ARHGAP8: variants seen among roughly 807,000 people sequenced by gnomAD.
The protein encoded by ARHGAP8 is rho GTPase-activating protein 8.
ARHGAP8 carries 62 observed loss-of-function variants against 46.1 expected under a neutral mutation model. The ratio of observed to expected loss-of-function variants is 1.34; its 90% confidence interval spans 1.10 to 1.66. The LOEUF is 1.66. Among genes scored for constraint, ARHGAP8 ranks in the 40% most tolerant of loss-of-function variants. The pLI, the probability that ARHGAP8 is intolerant of heterozygous loss-of-function variation, is 0.00. For missense variants in ARHGAP8, 923 were observed against 568.4 expected, an observed-to-expected ratio of 1.62 and a Z score of -6.34; for synonymous variants, 375 against 243.1, an observed-to-expected ratio of 1.54 and a Z score of -5.05.
At chr22:44,855,830 T>C (rs2070207062) in intron 10 of ARHGAP8, among the ~76,000 whole-genome samples, 1 of 152,176 alleles carries the variant, frequency 6.6e-6, no homozygotes, top group Admixed American at 6.5e-5. Flanking sequence ...TCTGTGTTGC[T>C]ATGAAGAAAT....
chr22:44,764,440 G>C (rs941785976), intron 1 of ARHGAP8, among the ~76,000 whole-genome samples: 3 of 152,236 alleles, frequency 2.0e-5, no homozygotes, highest in African/African-American at 7.2e-5. Flanking sequence ...AGGCAGGAAA[G>C]GGTCGGCTGC....
chr22:44,776,597 A>T (rs1046669387), intron 1 of ARHGAP8, among the ~76,000 whole-genome samples: 2 of 152,068 alleles, frequency 1.3e-5, no homozygotes, highest in Non-Finnish European at 2.9e-5. Context: ...TCTTCTTAAT[A>T]GGCTCCTGGA....
chr22:44,834,813 C>T (rs935780771), intron 7 of ARHGAP8, among the ~76,000 whole-genome samples: 1 of 147,472 alleles, frequency 6.8e-6, no homozygotes, highest in African/African-American at 2.5e-5. Context: ...TTTTATGATT[C>T]TTACTTTCTT....
intron 7 of ARHGAP8, among the ~76,000 whole-genome samples, chr22:44,827,336 G>GTTTTTTTTT (rs796490147): frequency 0.016 from 1,055 of 67,250 alleles, 294 homozygotes; most frequent in African/African-American, 0.054. Flanking sequence ...TTGGGTGGTG[G>GTTTTTTTTT]TTTTTTTTTT....
chr22:44,756,243 A>G (rs1265174057), intron 1 of ARHGAP8, among the ~76,000 whole-genome samples: 2 of 151,986 alleles, frequency 1.3e-5, no homozygotes, highest in African/African-American at 4.8e-5. Flanking sequence ...CTGGCCGTAA[A>G]ATGAAAACAA....
rs201042184 is a variant in ARHGAP8 at position 44,859,807 on chromosome 22, C to T, written c.954C>T (p.Leu318=). The change falls in exon 11 of 12, where the codon CTC becomes CTT. Residue 318 remains leucine, a synonymous_variant. Coordinates refer to ENST00000356099, the MANE Select transcript of ARHGAP8 (RefSeq NM_181335.3). ...TCCCAGAGCACAACTACGTCGTCCT[C>T]CGCTACCTCATGGGCTTCCTGCATG... ...RSLPEHNYVV[L]RYLMGFLHAV... 1.5e-5 allele frequency: 24 copies of T among 1,614,060 alleles called. 1 individual carries two copies. The highest frequency in any genetic ancestry group is 1.7e-4 in the Middle Eastern group (1 of 6,060).
intron 1 of ARHGAP8, chr22:44,786,188 G>A (rs1425715622): frequency 3.5e-6 from 2 of 565,792 alleles, no homozygotes; most frequent in Non-Finnish European, 3.1e-6. Context: ...GCTCGGCTGA[G>A]GTAGGGCGTA....
intron 1 of ARHGAP8, among the ~76,000 whole-genome samples, chr22:44,755,617 C>T (rs1569128885): frequency 6.6e-6 from 1 of 152,184 alleles, no homozygotes; most frequent in African/African-American, 2.4e-5. Context: ...CACAGGGCGT[C>T]TCCCTGGAGC....
chr22:44,784,996 A>G (rs1338142672), intron 1 of ARHGAP8, among the ~76,000 whole-genome samples: 1 of 152,146 alleles, frequency 6.6e-6, no homozygotes, highest in African/African-American at 2.4e-5. Flanking sequence ...AGTGGTGCTG[A>G]GTAAATACCA....
intron 1 of ARHGAP8, among the ~76,000 whole-genome samples, chr22:44,756,088 TGAAGGCCAAGGCCAAACAG>T (rs55636319): frequency 0.5 from 75,746 of 151,990 alleles, 19,355 homozygotes; most frequent in Non-Finnish European, 0.54. Context: ...CCTTCCACGC[TGAAGGCCAAGGCCAAACAG>T]TTCTTTCTTC....
At chr22:44,829,118 CAAA>C (rs57906111) in intron 7 of ARHGAP8, among the ~76,000 whole-genome samples, 21 of 49,376 alleles carry the variant, frequency 4.3e-4, no homozygotes, top group South Asian at 2.5e-3. Context: ...ACTAAAAATA[CAAA>C]AAAAAAAAAA....
rs1005470030 is a variant in ARHGAP8, at chr22:44,862,424, T to C, written c.1131T>C (p.Tyr377=). The C allele has an allele frequency of 4.3e-6, 7 of 1,614,078 alleles. No individual in the cohort carries two copies. The highest frequency in any genetic ancestry group is 1.3e-5 in the African/African-American group (1 of 75,016). The change falls in exon 12 of 12, where the codon TAT becomes TAC. Residue 377 remains tyrosine (Y), a synonymous_variant. Transcript: ENST00000356099. ...TCACTGAACTGCTGATCGAGTACTA[T>C]GAAAAGATCTTCAGCACCCCGGAGG... The part of the protein sequence containing the change: ...NMFTELLIEY[Y]EKIFSTPEAP...
chr22:44,757,562 C>T (rs1924781730), intron 1 of ARHGAP8, among the ~76,000 whole-genome samples: 1 of 152,204 alleles, frequency 6.6e-6, no homozygotes, highest in South Asian at 2.1e-4. Flanking sequence ...CAGGCGTGAG[C>T]CACCATGCCT....
chr22:44,831,447 G>A (rs1196913016), intron 7 of ARHGAP8, among the ~76,000 whole-genome samples: 1 of 152,172 alleles, frequency 6.6e-6, no homozygotes, highest in Non-Finnish European at 1.5e-5. Flanking sequence ...TATAATCCCA[G>A]CACTTTGGGA....
intron 7 of ARHGAP8, among the ~76,000 whole-genome samples, chr22:44,832,109 A>G (rs1930986549): frequency 7.3e-6 from 1 of 137,144 alleles, no homozygotes; most frequent in Non-Finnish European, 1.6e-5. Context: ...CTTTCCATTT[A>G]TTTGGGTCTT....
intron 2 of ARHGAP8, among the ~76,000 whole-genome samples, chr22:44,794,348 G>A (rs183218250): frequency 1.3e-3 from 194 of 152,302 alleles, no homozygotes; most frequent in Admixed American, 2.2e-3. Flanking sequence ...CCAGGGATTG[G>A]GCAGAGGAAG....
At chr22:44,861,541 C>T (rs770594680) in intron 11 of ARHGAP8, among the ~76,000 whole-genome samples, 12 of 152,166 alleles carry the variant, frequency 7.9e-5, no homozygotes, top group Non-Finnish European at 1.5e-4. Context: ...TGGTGCCTGG[C>T]CCTGCCTCCC....
rs185910825 is a variant in ARHGAP8, at chr22:44,859,657, T to A, written c.878-74T>A. On this transcript the variant is annotated intron_variant, in intron 10 of 11. Transcript: ENST00000356099. ...AGAGCTGTCCTTCCTACACCCCTGT[T>A]CTCCTCCCGGGCCGGGATGCAGCGC... 2.0e-6 allele frequency: 3 copies of A among 1,535,034 alleles called. No individual in the cohort carries two copies. In the East Asian group the frequency reaches 6.8e-5, roughly 35 times the overall value.
intron 1 of ARHGAP8, among the ~76,000 whole-genome samples, chr22:44,760,071 C>T (rs1602138182): frequency 6.6e-6 from 1 of 152,198 alleles, no homozygotes; most frequent in Non-Finnish European, 1.5e-5. Flanking sequence ...AGGCCTCTGA[C>T]AAGGTCCTGA....
Sources: allele counts gnomAD v4.1 joint callset (sites outside exome capture counted in the v4.1 genomes callset), GRCh38; gene constraint gnomAD v4.1.1; transcripts MANE v1.5; gene names NCBI Gene and HGNC (gene_info 2026-07-23, HGNC 2026-07-21).